The following ZSWIM4 variants were observed in gnomAD, a reference collection of about 807,000 sequenced individuals.
ZSWIM4 encodes the protein zinc finger SWIM domain-containing protein 4.
In ZSWIM4, 62 loss-of-function variants were observed where a neutral mutation model predicts 102.5. The observed-to-expected ratio is 0.60, with a 90% CI of 0.49 to 0.75. ZSWIM4 has a LOEUF of 0.75. Among genes scored for constraint, ZSWIM4 ranks in the 30% least tolerant of loss-of-function variants. ZSWIM4 has a pLI of 0.00. For synonymous variants in ZSWIM4, 652 were observed against 674.5 expected (o/e 0.97, Z 0.52); for missense variants, 1,280 against 1,529.6 (o/e 0.84, Z 2.72).
rs543162680 is a variant in ZSWIM4, at chr19:13,801,025, C to A, written c.355+1104C>A. ...GGGCATGGTGGCGGGTGCCTGTGGT[C>A]CCAGGTACATGGGAGGCCAAGGCAG... On this transcript the variant is annotated intron_variant, in intron 2 of 13. Transcript: ENST00000590508. Among the ~76,000 whole-genome samples the A allele has an allele frequency of 3.0e-4, 46 of 152,172 alleles. No homozygotes were observed. In the East Asian group the frequency reaches 7.7e-3, roughly 26 times the overall value.
At chr19:13,820,743 A>G (rs1437351514) in intron 10 of ZSWIM4, among the ~76,000 whole-genome samples, 6 of 152,114 alleles carry the variant, frequency 3.9e-5, no homozygotes, top group Non-Finnish European at 5.9e-5. Flanking sequence ...CTCCTTTTAT[A>G]CCAGTGGTAC....
chr19:13,817,734 A>C lies in ZSWIM4; in HGVS notation c.1682A>C (p.Glu561Ala). ...TLTLYPDSGP[E>A]KRKVAYQHVP... ...CTGTCTCCCCCAGACTCAGGCCCCG[A>C]GAAGCGGAAGGTGGCCTACCAGCAC... The change falls in exon 9 of 14, where the codon GAG becomes GCG. Residue 561 changes from glutamate (E) to alanine (A), a missense_variant. Transcript: ENST00000590508. 6.2e-7 allele frequency: 1 copy of C among 1,608,090 alleles called. No homozygotes were observed. The highest frequency in any genetic ancestry group is 8.5e-7 in the Non-Finnish European group (1 of 1,178,084).
chr19:13,814,893 G>C, intron 7 of ZSWIM4, 28 bp downstream of exon 7: 1 of 1,195,274 alleles, frequency 8.4e-7, no homozygotes, highest in East Asian at 6.6e-5. Flanking sequence ...ACGGGGGCTC[G>C]CACCTGTGAT....
In ZSWIM4 at chr19:13,805,069, T is replaced by C. The variant is rs1974882162; in HGVS notation, c.633T>C (p.His211=). 2.5e-6 allele frequency: 4 copies of C among 1,608,414 alleles called. No homozygotes were observed. Among genetic ancestry groups the C allele is most frequent in the African/African-American group, 1.3e-5 (1 of 75,008 alleles). Reference sequence around the variant, plus strand: ...TCGTGCAGTACCTCATCAGCGCCCATCACACTGAGGTGCTGCCCACTGCTC... The same window carrying C: ...TCGTGCAGTACCTCATCAGCGCCCACCACACTGAGGTGCTGCCCACTGCTC... ...QKFVQYLISA[H]HTEVLPTAQR... The change falls in exon 3 of 14, where the codon CAT becomes CAC. Residue 211 remains histidine (H), a synonymous_variant. Coordinates refer to ENST00000590508, the MANE Select transcript of ZSWIM4 (RefSeq NM_001367834.3).
At chr19:13,816,410 G>A (rs961767713) in intron 7 of ZSWIM4, among the ~76,000 whole-genome samples, 1 of 152,092 alleles carries the variant, frequency 6.6e-6, no homozygotes, top group Non-Finnish European at 1.5e-5. Flanking sequence ...GAGTGCCTGA[G>A]GTCAGGAGTT....
intron 2 of ZSWIM4, among the ~76,000 whole-genome samples, chr19:13,802,042 C>T (rs1193712406): frequency 6.8e-6 from 1 of 146,706 alleles, no homozygotes; most frequent in East Asian, 2.1e-4. Flanking sequence ...GTGGCACAAT[C>T]TCGGCTTACT....
intron 11 of ZSWIM4, among the ~76,000 whole-genome samples, chr19:13,824,779 A>AAG (rs1975561877): frequency 2.1e-5 from 3 of 144,018 alleles, no homozygotes; most frequent in African/African-American, 7.8e-5. Context: ...ATAATAATAA[A>AAG]AGCTAACATT....
intron 7 of ZSWIM4, 28 bp downstream of exon 7, chr19:13,814,893 G>T (rs559448697): frequency 8.4e-6 from 10 of 1,195,274 alleles, no homozygotes; most frequent in Non-Finnish European, 1.1e-5. Context: ...ACGGGGGCTC[G>T]CACCTGTGAT....
At chr19:13,798,820 G>A (rs1009043645) in intron 1 of ZSWIM4, among the ~76,000 whole-genome samples, 4 of 152,160 alleles carry the variant, frequency 2.6e-5, no homozygotes, top group Middle Eastern at 3.4e-3. Flanking sequence ...ACGGAGTCTC[G>A]CTCCGTGGCC....
In ZSWIM4 at chr19:13,830,847, T is replaced by C; in HGVS notation, c.3118T>C (p.Tyr1040His). The change falls in exon 14 of 14, where the codon TAC becomes CAC. Residue 1040 changes from tyrosine to histidine, a missense_variant. Physicochemically the swap from Tyr to His is moderately conservative, Grantham distance 83 (BLOSUM62 2). Coordinates refer to ENST00000590508, the MANE Select transcript of ZSWIM4 (RefSeq NM_001367834.3). ...CQLLDAAVTA[Y>H]ITTSHSRLTH... ...GCTCCTGGACGCGGCAGTCACCGCC[T>C]ACATCACCACCAGCCACTCGCGCCT... The C allele has an allele frequency of 6.2e-7, 1 of 1,612,822 alleles. No homozygotes were observed.
intron 7 of ZSWIM4, 185 bp downstream of exon 7, chr19:13,815,050 T>A: frequency 4.0e-6 from 1 of 251,896 alleles, no homozygotes; most frequent in Non-Finnish European, 7.7e-6. Context: ...TAGTCCCAGC[T>A]ACTCTGTAGG....
chr19:13,798,772 G>A lies in ZSWIM4; in HGVS notation c.154-948G>A, dbSNP rs1050462969. Among the ~76,000 whole-genome samples, 19 of 152,044 alleles carry A rather than the reference G, an allele frequency of 1.2e-4. 1 individual carries two copies. The highest frequency in any genetic ancestry group is 4.3e-4 in the African/African-American group (18 of 41,406). ...ATAGTAAAGCTAGGATTCAAGCCTC[G>A]GTTTCTCTGTTTTTTTATTTTTATT... On this transcript the variant is annotated intron_variant, in intron 1 of 13. Transcript: ENST00000590508.
At chr19:13,826,532 C>T (rs938575073) in intron 12 of ZSWIM4, among the ~76,000 whole-genome samples, 7 of 151,836 alleles carry the variant, frequency 4.6e-5, no homozygotes, top group South Asian at 2.1e-4. Context: ...TTTGGGAGGC[C>T]GAGGGGGGCA....
At position 13,830,827 on chromosome 19, in the gene ZSWIM4, T is replaced by C; in HGVS notation, c.3098T>C (p.Leu1033Pro). ...GACCGGGCGCCGCTCTGCCAGCTCC[T>C]GGACGCGGCAGTCACCGCCTACATC... is the stretch of plus-strand genomic sequence containing the variant. ...GADRAPLCQLLDAAVTAYITT... is the reference protein window; with the variant it reads ...GADRAPLCQLPDAAVTAYITT... The change falls in exon 14 of 14, where the codon CTG becomes CCG. Residue 1033 changes from leucine to proline, a missense_variant. Physicochemically the swap from Leu to Pro is moderately conservative, Grantham distance 98 (BLOSUM62 -3). Transcript: ENST00000590508. 6.2e-7 allele frequency: 1 copy of C among 1,608,636 alleles called. No individual in the cohort carries two copies. The highest frequency in any genetic ancestry group is 8.5e-7 in the Non-Finnish European group (1 of 1,176,408).
At chr19:13,826,046 C>T (rs1975602395) in intron 12 of ZSWIM4, among the ~76,000 whole-genome samples, 1 of 152,104 alleles carries the variant, frequency 6.6e-6, no homozygotes, top group Non-Finnish European at 1.5e-5. Context: ...CAGGTGGGGC[C>T]TGAGTGTGAA....
chr19:13,797,085 C>T (rs1025646132), intron 1 of ZSWIM4, among the ~76,000 whole-genome samples: 1 of 152,192 alleles, frequency 6.6e-6, no homozygotes, highest in African/African-American at 2.4e-5. Context: ...AATCTGAAAA[C>T]CATCTCCGAG....
At chr19:13,800,064 G>GTTTTT in intron 2 of ZSWIM4, 143 bp downstream of exon 2, 2 of 417,182 alleles carry the variant, frequency 4.8e-6, no homozygotes, top group Non-Finnish European at 7.3e-6. Flanking sequence ...GATTGTACAA[G>GTTTTT]ATTTTTTTTT....
chr19:13,813,624 T>A (rs537733621), intron 6 of ZSWIM4, among the ~76,000 whole-genome samples: 10 of 150,786 alleles, frequency 6.6e-5, no homozygotes, highest in Non-Finnish European at 1.2e-4. Context: ...GAAAAAAAAA[T>A]TTATAGCAAG....
intron 1 of ZSWIM4, among the ~76,000 whole-genome samples, chr19:13,797,349 G>A (rs1012605740): frequency 2.6e-5 from 4 of 152,170 alleles, no homozygotes; most frequent in Non-Finnish European, 5.9e-5. Context: ...TCCCCTCCTG[G>A]GGCCCCTTCC....
Sources: allele counts gnomAD v4.1 joint callset (sites outside exome capture counted in the v4.1 genomes callset), GRCh38; gene constraint gnomAD v4.1.1; transcripts MANE v1.5; gene names NCBI Gene and HGNC (gene_info 2026-07-23, HGNC 2026-07-21).